Variants in PIWIL1 observed in about 807,000 individuals in gnomAD.
PIWIL1 encodes piwi-like protein 1.
A neutral mutation model predicts 114.4 loss-of-function variants in PIWIL1; 73 were observed. The observed-to-expected ratio is 0.64, with a 90% CI of 0.53 to 0.78. The LOEUF (loss-of-function observed/expected upper bound fraction) is 0.78. PIWIL1 is among the 30% of genes least tolerant of loss of function. The pLI is 0.00. For missense variants in PIWIL1, 723 were observed against 1,063.1 expected, an observed-to-expected ratio of 0.68 and a Z score of 4.45; for synonymous variants, 375 against 369.0, an observed-to-expected ratio of 1.02 and a Z score of -0.19.
At chr12:130,364,518 G>A (rs2136186424) in intron 18 of PIWIL1, among the ~76,000 whole-genome samples, 1 of 152,262 alleles carries the variant, frequency 6.6e-6, no homozygotes, top group South Asian at 2.1e-4. Flanking sequence ...AGTCAGGAGT[G>A]TTTTTATCTT....
chr12:130,407,689 GT>G, the PIWIL1 span: 1 of 1,506,758 alleles, frequency 6.6e-7, no homozygotes, highest in Non-Finnish European at 9.2e-7. Context: ...GAAGGGTGTG[GT>G]TGTGTCCGTC....
rs771148951 is a variant in PIWIL1, at chr12:130,346,468, C to T, written c.415C>T (p.Leu139=). 1.9e-6 allele frequency: 3 copies of T among 1,613,944 alleles called. No homozygotes were observed. The highest frequency in any genetic ancestry group is 1.1e-5 in the South Asian group (1 of 91,078). Residue 139 remains leucine, a synonymous_variant, in exon 5 of 21, where the codon CTG becomes TTG. Coordinates refer to ENST00000245255, the MANE Select transcript of PIWIL1 (RefSeq NM_004764.5). ...LYQYHIDYNP[L]MEARRLRSAL... is the part of the protein sequence containing the mutation. ...TCAGTATCACATTGACTATAACCCACTGATGGAAGCCAGAAGACTCCGTTC... is the reference window on the plus strand; with the variant it reads ...TCAGTATCACATTGACTATAACCCATTGATGGAAGCCAGAAGACTCCGTTC...
At chr12:130,423,102 G>C in the PIWIL1 span, among the ~76,000 whole-genome samples, 2 of 152,154 alleles carry the variant, frequency 1.3e-5, no homozygotes, top group Admixed American at 6.5e-5. Flanking sequence ...TAACATTCTA[G>C]GACTCAGACG....
chr12:130,361,206 G>A lies in PIWIL1; in HGVS notation c.1692G>A (p.Arg564=), dbSNP rs1475141814. 1 of 1,614,138 alleles carries A rather than the reference G, an allele frequency of 6.2e-7. No individual in the cohort carries two copies. The highest frequency in any genetic ancestry group is 1.7e-5 in the Admixed American group (1 of 60,024). Reference sequence around the variant, plus strand: ...TTGTCTGTCTGTTGTCAAGTAATCGGAAGGACAAATACGATGCTATTAAAA... The same window carrying A: ...TTGTCTGTCTGTTGTCAAGTAATCGAAAGGACAAATACGATGCTATTAAAA... ...QIVVCLLSSN[R]KDKYDAIKKY... Residue 564 remains arginine (R), a synonymous_variant, in exon 15 of 21, where the codon CGG becomes CGA. Coordinates refer to ENST00000245255, the MANE Select transcript of PIWIL1 (RefSeq NM_004764.5).
At chr12:130,359,105 T>A (rs1414850061) in intron 14 of PIWIL1, among the ~76,000 whole-genome samples, 1 of 152,210 alleles carries the variant, frequency 6.6e-6, no homozygotes, top group Non-Finnish European at 1.5e-5. Flanking sequence ...TCAACATTGA[T>A]ATGGTTGTTT....
the PIWIL1 span, among the ~76,000 whole-genome samples, chr12:130,409,579 A>G: frequency 1.3e-5 from 2 of 151,918 alleles, no homozygotes; most frequent in East Asian, 1.9e-4. Context: ...TCCTGACCTC[A>G]TGATCCGCCC....
At chr12:130,373,990 C>T (rs2073847718), downstream of PIWIL1, among the ~76,000 whole-genome samples, 1 of 152,198 alleles carries the variant, frequency 6.6e-6, no homozygotes, top group African/African-American at 2.4e-5. Context: ...CAGGCTGTCC[C>T]TTCCCAAAGC....
chr12:130,364,490 C>T (rs892103546), intron 18 of PIWIL1, among the ~76,000 whole-genome samples: 19 of 152,176 alleles, frequency 1.2e-4, no homozygotes, highest in Admixed American at 5.2e-4. Flanking sequence ...CATGTGATGC[C>T]GTGAAGGTCT....
the PIWIL1 span, among the ~76,000 whole-genome samples, chr12:130,389,380 T>TG: frequency 3.9e-5 from 6 of 152,126 alleles, no homozygotes; most frequent in Admixed American, 6.5e-5. Flanking sequence ...TCTGAGTATT[T>TG]GGTAGGATTC....
the PIWIL1 span, chr12:130,412,482 C>A: frequency 1.2e-6 from 1 of 826,590 alleles, no homozygotes; most frequent in Non-Finnish European, 1.9e-6. Flanking sequence ...AGAAAAATCA[C>A]TGGTCAACAT....
At chr12:130,401,357 C>A in the PIWIL1 span, among the ~76,000 whole-genome samples, 1 of 152,120 alleles carries the variant, frequency 6.6e-6, no homozygotes, top group African/African-American at 2.4e-5. Context: ...CTCAGGTGAT[C>A]CACCCGCCTC....
chr12:130,383,152 A>G, the PIWIL1 span, among the ~76,000 whole-genome samples: 2 of 152,172 alleles, frequency 1.3e-5, no homozygotes, highest in African/African-American at 4.8e-5. Context: ...TCCAGTTTTT[A>G]TTGAATTGGA....
At position 130,361,167 on chromosome 12, in the gene PIWIL1, A is replaced by C; in HGVS notation, c.1666-13A>C. ...TCTCCTAATTCTTTGTAACAAGGGC[A>C]CTTTGTTTTCAGGTTGTCTGTCTGT... On this transcript the variant is annotated splice_polypyrimidine_tract_variant and intron_variant, in intron 14 of 20. Coordinates refer to ENST00000245255, the MANE Select transcript of PIWIL1 (RefSeq NM_004764.5). 6.2e-7 allele frequency: 1 copy of C among 1,613,540 alleles called. No individual in the cohort carries two copies. Among genetic ancestry groups the C allele is most frequent in the East Asian group, 2.2e-5 (1 of 44,868 alleles).
intron 3 of PIWIL1, 193 bp from the exon 4 acceptor site, chr12:130,345,560 A>C (rs1218888695): frequency 3.6e-6 from 2 of 548,944 alleles, no homozygotes; most frequent in African/African-American, 3.8e-5. Flanking sequence ...GGCCTTTATG[A>C]ATGAAGTTAT....
chr12:130,357,140 G>A, intron 13 of PIWIL1, 35 bp downstream of exon 13: 1 of 1,563,982 alleles, frequency 6.4e-7, no homozygotes, highest in Non-Finnish European at 8.7e-7. Flanking sequence ...TCTGAAAATT[G>A]CTTGGCAGTC....
downstream of PIWIL1, among the ~76,000 whole-genome samples, chr12:130,376,869 G>A (rs1048348749): frequency 6.6e-6 from 1 of 152,148 alleles, no homozygotes; most frequent in African/African-American, 2.4e-5. Flanking sequence ...TCGTTGCCAG[G>A]TTCCCATGTT....
chr12:130,405,220 A>G, the PIWIL1 span, among the ~76,000 whole-genome samples: 1 of 152,234 alleles, frequency 6.6e-6, no homozygotes, highest in Admixed American at 6.5e-5. Flanking sequence ...CACAAAGTTA[A>G]AAAGCAGAGG....
rs949557571 is a variant in PIWIL1, at chr12:130,355,485, A to G, written c.1290-68A>G. 6 of 1,161,802 alleles carry G rather than the reference A, an allele frequency of 5.2e-6. No individual in the cohort carries two copies. The East Asian group carries it at 9.3e-5, about 18-fold the overall frequency. 72.0% of individuals were successfully genotyped at this position (1,161,802 alleles called of 1,614,324 possible). On this transcript the variant is annotated intron_variant, in intron 11 of 20. Coordinates refer to ENST00000245255, the MANE Select transcript of PIWIL1 (RefSeq NM_004764.5). ...GAGTGTGTTGTAGGCTGGAGTGGAT[A>G]TCTGTTTGACTGTGTCTTCTTGCTG...
the PIWIL1 span, among the ~76,000 whole-genome samples, chr12:130,402,758 A>G: frequency 6.6e-6 from 1 of 152,212 alleles, no homozygotes; most frequent in Non-Finnish European, 1.5e-5. Context: ...TCTGTGCCCC[A>G]GTCAGTGAGA....
Sources: allele counts gnomAD v4.1 joint callset (sites outside exome capture counted in the v4.1 genomes callset), GRCh38; gene constraint gnomAD v4.1.1; transcripts MANE v1.5; gene names NCBI Gene and HGNC (gene_info 2026-07-23, HGNC 2026-07-21).